MYO9A: variants seen among roughly 807,000 people sequenced by gnomAD.
MYO9A encodes the protein myosin IXA.
Under a neutral mutation model 293.3 loss-of-function variants are expected in MYO9A, and 103 were observed. The ratio of observed to expected loss-of-function variants is 0.35; its 90% CI spans 0.30 to 0.41. MYO9A has a LOEUF of 0.41. Among genes scored for constraint, MYO9A ranks in the 10% least tolerant of loss-of-function variants. The pLI, the probability that MYO9A is intolerant of heterozygous loss-of-function variation, is 1.00. For missense variants in MYO9A, 2,685 were observed against 3,033.0 expected (o/e 0.89, Z 2.69); for synonymous variants, 1,001 against 1,035.7 (o/e 0.97, Z 0.64).
chr15:71,998,191 C>A (rs1215779059), intron 9 of MYO9A, among the ~76,000 whole-genome samples: 1 of 152,104 alleles, frequency 6.6e-6, no homozygotes, highest in Non-Finnish European at 1.5e-5. Flanking sequence ...AAGCTGGAGA[C>A]CATTATCCAT....
intron 4 of MYO9A, 62 bp from the exon 5 acceptor site, chr15:72,021,079 G>T: frequency 2.9e-6 from 3 of 1,041,586 alleles, no homozygotes; most frequent in Non-Finnish European, 2.8e-6. Flanking sequence ...ATTTAACAGG[G>T]GGAGGGGGGA....
chr15:71,990,981 A>G, intron 11 of MYO9A, 122 bp downstream of exon 11: 1 of 1,004,006 alleles, frequency 1.0e-6, no homozygotes, highest in Non-Finnish European at 1.4e-6. Flanking sequence ...GCACGTTTCA[A>G]TATTTAATAA....
intron 1 of MYO9A, among the ~76,000 whole-genome samples, chr15:72,058,888 C>G (rs1422556849): frequency 6.6e-6 from 1 of 152,130 alleles, no homozygotes; most frequent in Non-Finnish European, 1.5e-5. Context: ...TTAAAAAGTA[C>G]CTAAGGATTT....
At chr15:71,986,032 A>G (rs979957828) in intron 11 of MYO9A, among the ~76,000 whole-genome samples, 3 of 152,238 alleles carry the variant, frequency 2.0e-5, no homozygotes, top group Admixed American at 2.0e-4. Flanking sequence ...GGGCAGTAAT[A>G]CAAGTAACAG....
At chr15:72,054,160 C>A (rs1209063842) in intron 1 of MYO9A, among the ~76,000 whole-genome samples, 1 of 151,962 alleles carries the variant, frequency 6.6e-6, no homozygotes, top group South Asian at 2.1e-4. Context: ...TAACATCAAG[C>A]AAAACAGGAA....
At chr15:71,932,591 C>T (rs2058508361) in intron 18 of MYO9A, among the ~76,000 whole-genome samples, 1 of 151,368 alleles carries the variant, frequency 6.6e-6, no homozygotes, top group Admixed American at 6.6e-5. Context: ...AATCCTCAAA[C>T]AATGGCTAGA....
chr15:71,909,668 A>C (rs1228558457), intron 19 of MYO9A, among the ~76,000 whole-genome samples: 1 of 152,204 alleles, frequency 6.6e-6, no homozygotes, highest in Non-Finnish European at 1.5e-5. Flanking sequence ...TACAATATAC[A>C]AACCTAACTT....
chr15:71,927,484 A>C (rs1452318087), intron 18 of MYO9A, among the ~76,000 whole-genome samples: 1 of 152,160 alleles, frequency 6.6e-6, no homozygotes, highest in Non-Finnish European at 1.5e-5. Context: ...ATTGTCCCTC[A>C]ATATCCATGG....
At position 72,003,703 on chromosome 15, in the gene MYO9A, CA is replaced by C. The variant is rs397738256; in HGVS notation, c.1381-3764del. ...TGGGCGACAGAGCGAGACTCCGTCT[CA>C]AAAAAAAAAAAAAAAAATAAGAACT... On this transcript the variant is annotated intron_variant, in intron 8 of 41. Transcript: ENST00000356056. Among the ~76,000 whole-genome samples, 353 of 86,510 alleles carry C rather than the reference CA, an allele frequency of 4.1e-3. 2 individuals are homozygous for C. The highest frequency in any genetic ancestry group is 4.9e-3 in the Non-Finnish European group (208 of 42,412). 56.8% of individuals were successfully genotyped at this position (86,510 alleles called of 152,430 possible).
intron 17 of MYO9A, among the ~76,000 whole-genome samples, chr15:71,934,241 G>A (rs2058563243): frequency 6.6e-6 from 1 of 151,826 alleles, no homozygotes; most frequent in Non-Finnish European, 1.5e-5. Flanking sequence ...AGAAAAGAAG[G>A]AATAAAGTCC....
At chr15:71,994,428 G>A (rs751258859) in intron 10 of MYO9A, 41 bp downstream of exon 10, 1 of 1,257,558 alleles carries the variant, frequency 8.0e-7, no homozygotes, top group Non-Finnish European at 1.1e-6. Context: ...TATTAAAATA[G>A]CTTTCAGGGA....
intron 1 of MYO9A, among the ~76,000 whole-genome samples, chr15:72,100,441 C>T (rs2080237569): frequency 6.6e-6 from 1 of 151,540 alleles, no homozygotes; most frequent in Non-Finnish European, 1.5e-5. Context: ...ATGTGGGGAG[C>T]CCCTCTGCCT....
intron 6 of MYO9A, among the ~76,000 whole-genome samples, chr15:72,015,612 T>C (rs1338441653): frequency 6.6e-6 from 1 of 151,808 alleles, no homozygotes; most frequent in Non-Finnish European, 1.5e-5. Context: ...GACCCTAAAA[T>C]TCATGGCTCA....
intron 15 of MYO9A, among the ~76,000 whole-genome samples, chr15:71,951,243 T>G (rs1419287269): frequency 6.6e-6 from 1 of 152,182 alleles, no homozygotes; most frequent in East Asian, 1.9e-4. Flanking sequence ...ATGTTGAAAT[T>G]TCAAGCATAA....
chr15:71,878,193 A>G lies in MYO9A; in HGVS notation c.5778T>C (p.Tyr1926=). The change falls in exon 31 of 42, where the codon TAT becomes TAC. Residue 1926 remains tyrosine, a synonymous_variant. Coordinates refer to ENST00000356056, the MANE Select transcript of MYO9A (RefSeq NM_006901.4). Reference sequence around the variant, plus strand: ...TTTCCAGAATCTGTTCAAATAGTGCATAGAGGTCTTTATACCGTATGCTTT... The same window carrying G: ...TTTCCAGAATCTGTTCAAATAGTGCGTAGAGGTCTTTATACCGTATGCTTT... ...DGKSIRYKDL[Y]ALFEQILEKT... is the part of the protein sequence containing the mutation. The G allele has an allele frequency of 6.2e-7, 1 of 1,603,886 alleles. No individual in the cohort carries two copies. The highest frequency in any genetic ancestry group is 8.5e-7 in the Non-Finnish European group (1 of 1,176,972).
At chr15:72,025,346 CA>C (rs952892397) in intron 4 of MYO9A, among the ~76,000 whole-genome samples, 1 of 151,786 alleles carries the variant, frequency 6.6e-6, no homozygotes, top group African/African-American at 2.4e-5. Flanking sequence ...GAACAGAGCC[CA>C]AAAAAACATT....
At chr15:71,841,758 C>T (rs1311580625) in intron 39 of MYO9A, among the ~76,000 whole-genome samples, 1 of 151,738 alleles carries the variant, frequency 6.6e-6, no homozygotes, top group East Asian at 1.9e-4. Context: ...ATCTCAGCCT[C>T]CCTAGTGGCT....
intron 24 of MYO9A, 119 bp from the exon 25 acceptor site, chr15:71,899,151 T>C (rs1363956380): frequency 4.3e-6 from 4 of 928,068 alleles, no homozygotes; most frequent in Admixed American, 2.5e-5. Context: ...AATACCTAAG[T>C]TCTTCTTAAA....
chr15:72,093,907 A>AC (rs397764901), intron 1 of MYO9A, among the ~76,000 whole-genome samples: 5 of 90,014 alleles, frequency 5.6e-5, no homozygotes, highest in African/African-American at 1.0e-4. Context: ...AATAAAAAAA[A>AC]CCACACAAAT....
Sources: gnomAD v4.1 joint callset for allele counts (sites outside exome capture counted in the v4.1 genomes callset) on GRCh38, gnomAD v4.1.1 for gene constraint, MANE v1.5 for transcripts, NCBI Gene and HGNC (gene_info 2026-07-23, HGNC 2026-07-21) for gene names.